Variants in P3H2 observed in about 807,000 individuals in gnomAD.
P3H2 encodes prolyl 3-hydroxylase 2.
P3H2 carries 80 observed loss-of-function variants against 87.0 expected under a neutral mutation model. The observed-to-expected ratio is 0.92, with a 90% CI of 0.77 to 1.11. The LOEUF is 1.11. P3H2 is among the 50% of genes least tolerant of loss of function. The probability of loss-of-function intolerance (pLI) is 0.00; values close to 1 mark genes in which losing one functional copy is unlikely to be tolerated. For missense variants in P3H2, 1,001 were observed against 923.9 expected (o/e 1.08, Z -1.08); for synonymous variants, 367 against 359.3 (o/e 1.02, Z -0.24).
At chr3:190,001,948 A>T (rs547598435) in intron 1 of P3H2, among the ~76,000 whole-genome samples, 2 of 152,350 alleles carry the variant, frequency 1.3e-5, no homozygotes, top group African/African-American at 4.8e-5. Context: ...TCAAATTTTG[A>T]AATAAAATTT....
Position 190,062,437 on chromosome 3 carries a change from T to C in P3H2, c.480+57815A>G, listed in dbSNP as rs111458937. On this transcript the variant is annotated intron_variant, in intron 1 of 14. Coordinates refer to ENST00000319332, the MANE Select transcript of P3H2 (RefSeq NM_018192.4). ...AATATCCCCATTTAACAAATTCAAA[T>C]TGAATAAAGAAATAATTTTTCACTC... Among the ~76,000 whole-genome samples the C allele has an allele frequency of 2.9e-3, 435 of 152,254 alleles. 1 individual carries two copies. Among genetic ancestry groups the C allele is most frequent in the African/African-American group, 9.9e-3 (411 of 41,566 alleles).
At chr3:190,064,705 C>T (rs564532119) in intron 1 of P3H2, among the ~76,000 whole-genome samples, 3 of 152,014 alleles carry the variant, frequency 2.0e-5, no homozygotes, top group African/African-American at 2.4e-5. Context: ...TTTATAATAA[C>T]AAAGATGTCT....
intron 1 of P3H2, among the ~76,000 whole-genome samples, chr3:190,047,995 T>C (rs938468154): frequency 6.6e-6 from 1 of 152,168 alleles, no homozygotes; most frequent in Non-Finnish European, 1.5e-5. Flanking sequence ...TGTATACAGG[T>C]CTTTCTTCTG....
In P3H2 at chr3:189,993,479, A is replaced by C. The variant is rs140572946; in HGVS notation, c.823+615T>G. On this transcript the variant is annotated intron_variant, in intron 3 of 14. Coordinates refer to ENST00000319332, the MANE Select transcript of P3H2 (RefSeq NM_018192.4). ...ACAGCAGAGACCCCACTTTCTCCTC[A>C]TAAGTGGTTAACTAGCCAATCTCCC... Among the ~76,000 whole-genome samples, 227 of 152,324 alleles carry C rather than the reference A, an allele frequency of 1.5e-3. 1 individual carries two copies. Among genetic ancestry groups the C allele is most frequent in the African/African-American group, 5.1e-3 (213 of 41,566 alleles).
At chr3:190,105,146 G>T (rs779409352) in intron 1 of P3H2, among the ~76,000 whole-genome samples, 4 of 152,104 alleles carry the variant, frequency 2.6e-5, no homozygotes, top group Non-Finnish European at 4.4e-5. Flanking sequence ...ACATCACTCT[G>T]GTGCTTGCAC....
At chr3:190,101,937 C>T (rs1711641181) in intron 1 of P3H2, among the ~76,000 whole-genome samples, 1 of 152,146 alleles carries the variant, frequency 6.6e-6, no homozygotes. Context: ...CATTTACCAT[C>T]CCCCAAATCC....
intron 8 of P3H2, among the ~76,000 whole-genome samples, chr3:189,977,357 G>A (rs1723382991): frequency 6.6e-6 from 1 of 152,150 alleles, no homozygotes; most frequent in South Asian, 2.1e-4. Context: ...ACATGGCAAG[G>A]AATAGAGGGC....
intron 13 of P3H2, among the ~76,000 whole-genome samples, chr3:189,966,060 GAA>G (rs1722968320): frequency 8.2e-6 from 1 of 121,782 alleles, no homozygotes; most frequent in Non-Finnish European, 1.6e-5. Context: ...AAGAAAGAAA[GAA>G]AGAGAAAGAA....
At chr3:190,034,703 G>A (rs944317340) in intron 1 of P3H2, among the ~76,000 whole-genome samples, 1 of 152,174 alleles carries the variant, frequency 6.6e-6, no homozygotes, top group African/African-American at 2.4e-5. Flanking sequence ...CTTAGTTTCT[G>A]TGTGGTGGTC....
intron 1 of P3H2, 25 bp from the exon 2 acceptor site, chr3:189,995,467 A>G: frequency 6.2e-7 from 1 of 1,608,902 alleles, no homozygotes. Context: ...AAATGACCAA[A>G]ATGAAGGCAA....
chr3:190,008,185 A>G (rs530330820), intron 1 of P3H2, among the ~76,000 whole-genome samples: 3 of 152,080 alleles, frequency 2.0e-5, no homozygotes, highest in Non-Finnish European at 4.4e-5. Flanking sequence ...GAAGAGCTGA[A>G]ACCTGGTCTT....
intron 1 of P3H2, among the ~76,000 whole-genome samples, chr3:190,050,157 G>A (rs13062992): frequency 6.6e-6 from 1 of 152,156 alleles, no homozygotes; most frequent in East Asian, 1.9e-4. Flanking sequence ...TTCCAAAAGA[G>A]TTCATTCTGT....
At chr3:190,051,660 C>T (rs1284195022) in intron 1 of P3H2, among the ~76,000 whole-genome samples, 2 of 152,188 alleles carry the variant, frequency 1.3e-5, no homozygotes, top group Non-Finnish European at 2.9e-5. Context: ...ATAACAGAAA[C>T]CTGCAATACT....
intron 1 of P3H2, among the ~76,000 whole-genome samples, chr3:190,044,917 A>G (rs1397382442): frequency 6.6e-6 from 1 of 152,238 alleles, no homozygotes; most frequent in African/African-American, 2.4e-5. Context: ...AGATTAATAT[A>G]GATACAACTT....
chr3:190,103,062 C>A (rs1252734540), intron 1 of P3H2, among the ~76,000 whole-genome samples: 2 of 152,124 alleles, frequency 1.3e-5, no homozygotes, highest in African/African-American at 4.8e-5. Context: ...GCATACTTAA[C>A]AGACTAAATT....
intron 8 of P3H2, among the ~76,000 whole-genome samples, chr3:189,977,642 G>A (rs985254810): frequency 6.6e-6 from 1 of 152,074 alleles, no homozygotes; most frequent in Admixed American, 6.5e-5. Flanking sequence ...CTGTCACTCA[G>A]GCTGGAGTGC....
At chr3:190,114,308 C>T (rs1050486721) in intron 1 of P3H2, among the ~76,000 whole-genome samples, 5 of 150,406 alleles carry the variant, frequency 3.3e-5, no homozygotes, top group Admixed American at 6.7e-5. Flanking sequence ...CTCAGCCTCC[C>T]GAGTAGCTGG....
rs113209028 is a variant in P3H2, at chr3:189,957,645, T to C, written c.*267A>G. ...GGCTCCAGTGTGCTATCATCACATC[T>C]GTGAATAGCCACTGCCCTATATCCT... On this transcript the variant is annotated 3_prime_UTR_variant, in exon 15 of 15. Transcript: ENST00000319332. The C allele has an allele frequency of 3.9e-5, 20 of 511,526 alleles. No homozygotes were observed. The highest frequency in any genetic ancestry group is 1.5e-4 in the African/African-American group (8 of 52,114). The allele number at this position is 511,526 out of a possible 1,614,324, so 31.7% of individuals were successfully genotyped here. A position where few individuals can be genotyped will look rare whatever the true frequency, so the allele number is the denominator to read the frequency against.
At chr3:189,966,090 GAAA>G (rs1560338843) in intron 13 of P3H2, among the ~76,000 whole-genome samples, 7 of 121,856 alleles carry the variant, frequency 5.7e-5, no homozygotes, top group East Asian at 3.4e-4. Flanking sequence ...AAGGAAGAAA[GAAA>G]GAAAGAAAGA....
Sources: gnomAD v4.1 joint callset for allele counts (sites outside exome capture counted in the v4.1 genomes callset) on GRCh38, gnomAD v4.1.1 for gene constraint, MANE v1.5 for transcripts, NCBI Gene and HGNC (gene_info 2026-07-23, HGNC 2026-07-21) for gene names.